SMARCAL1: variants seen among roughly 807,000 people sequenced by gnomAD.
SMARCAL1 encodes the protein ATP-driven annealing helicase.
A neutral mutation model predicts 94.5 loss-of-function variants in SMARCAL1; 58 were observed. The observed-to-expected ratio is 0.61, with a 90% CI of 0.50 to 0.76. The LOEUF (loss-of-function observed/expected upper bound fraction) is 0.76. Among genes scored for constraint, SMARCAL1 ranks in the 30% least tolerant of loss-of-function variants. The pLI, the probability that SMARCAL1 is intolerant of heterozygous loss-of-function variation, is 0.00. For synonymous variants in SMARCAL1, 422 were observed against 455.1 expected (o/e 0.93, Z 0.93); for missense variants, 1,051 against 1,177.9 (o/e 0.89, Z 1.58).
Position 216,420,442 on chromosome 2 carries a change from A to G in SMARCAL1, c.1006A>G (p.Met336Val). 6.2e-7 allele frequency: 1 copy of G among 1,614,192 alleles called. No individual in the cohort carries two copies. The highest frequency in any genetic ancestry group is 1.7e-5 in the Admixed American group (1 of 60,030). Reference sequence around the variant, plus strand: ...CCTTTCATTTGTCAAAGGGCGATGCATGCTCATCTCCAGGGCCTACTTCGA... The same window carrying G: ...CCTTTCATTTGTCAAAGGGCGATGCGTGCTCATCTCCAGGGCCTACTTCGA... ...PSLSFVKGRC[M>V]LISRAYFEAD... Residue 336 changes from methionine to valine, a missense_variant, in exon 5 of 18, where the codon ATG (methionine) becomes GTG (valine). Around this residue, in one of 3 missense-constraint regions of SMARCAL1, gnomAD observed 11 missense variants for 28.0 expected, o/e 0.39. Transcript: ENST00000357276.
intron 17 of SMARCAL1, among the ~76,000 whole-genome samples, chr2:216,481,608 A>G (rs139673039): frequency 0.015 from 2,222 of 151,668 alleles, 61 homozygotes; most frequent in African/African-American, 0.052. Context: ...GGTTCAAGCG[A>G]TTCTTGTGCC....
At chr2:216,464,104 G>C (rs1288434497) in intron 12 of SMARCAL1, among the ~76,000 whole-genome samples, 1 of 152,150 alleles carries the variant, frequency 6.6e-6, no homozygotes, top group Non-Finnish European at 1.5e-5. Context: ...AGGGTCCATT[G>C]GAATTGATTC....
chr2:216,476,323 T>G (rs1695078851), intron 15 of SMARCAL1, among the ~76,000 whole-genome samples: 1 of 151,652 alleles, frequency 6.6e-6, no homozygotes, highest in South Asian at 2.1e-4. Flanking sequence ...GTTTTTTTTT[T>G]CTTTTGCTTT....
chr2:216,428,698 C>A lies in SMARCAL1; in HGVS notation c.1250C>A (p.Thr417Lys). The change falls in exon 7 of 18, where the codon ACG becomes AAG. Residue 417 changes from threonine (T) to lysine (K), a missense_variant. Thr to Lys is a moderately conservative substitution (Grantham distance 78, BLOSUM62 -1). Around this residue, in one of 3 missense-constraint regions of SMARCAL1, gnomAD observed 642 missense variants for 754.7 expected, o/e 0.85. Coordinates refer to ENST00000357276, the MANE Select transcript of SMARCAL1 (RefSeq NM_014140.4). ...CTCAAGAAGACATCTCTCAGTCTCA[C>A]GCCAGATGTCCCAGAGGCAGACCTT... ...SQLKKTSLSL[T>K]PDVPEADLSE... 1 of 1,614,128 alleles carries A rather than the reference C, an allele frequency of 6.2e-7. No individual in the cohort carries two copies. The highest frequency in any genetic ancestry group is 1.1e-5 in the South Asian group (1 of 91,084).
Position 216,468,019 on chromosome 2 carries a change from C to T in SMARCAL1, c.2217C>T (p.Asp739=), listed in dbSNP as rs372977172. 31 of 1,613,324 alleles carry T rather than the reference C, an allele frequency of 1.9e-5. No individual in the cohort carries two copies. Among genetic ancestry groups the T allele is most frequent in the East Asian group, 1.8e-4 (8 of 44,876 alleles). Reference sequence around the variant, plus strand: ...TTGCACACCATAAGGTGGTCCTGGACGCAATTACGCAAGAGCTTGAGAGAA... The same window carrying T: ...TTGCACACCATAAGGTGGTCCTGGATGCAATTACGCAAGAGCTTGAGAGAA... The part of the protein sequence containing the change: ...LVFAHHKVVL[D]AITQELERKH... Residue 739 remains aspartate, a synonymous_variant, in exon 14 of 18, where the codon GAC becomes GAT. Transcript: ENST00000357276.
intron 6 of SMARCAL1, chr2:216,427,266 GTC>G (rs1355734135): frequency 6.6e-6 from 1 of 152,234 alleles, no homozygotes; most frequent in African/African-American, 2.4e-5. Context: ...AGGGAATGGT[GTC>G]TTTCTCAGGA....
chr2:216,444,184 T>G (rs998375943), intron 10 of SMARCAL1, among the ~76,000 whole-genome samples: 1 of 152,248 alleles, frequency 6.6e-6, no homozygotes, highest in Non-Finnish European at 1.5e-5. Flanking sequence ...TGACCTTCTC[T>G]TTGATATTAC....
intron 3 of SMARCAL1, 106 bp downstream of exon 3, chr2:216,415,621 C>T (rs1559121246): frequency 9.4e-7 from 1 of 1,058,792 alleles, no homozygotes; most frequent in Admixed American, 2.1e-5. Context: ...TTGGCACATG[C>T]TGTCCATCCA....
At chr2:216,426,116 C>T (rs1038666971) in intron 6 of SMARCAL1, among the ~76,000 whole-genome samples, 19 of 152,234 alleles carry the variant, frequency 1.2e-4, no homozygotes, top group Admixed American at 8.5e-4. Flanking sequence ...CCCACCTTGG[C>T]CTCCCAAAGT....
intron 11 of SMARCAL1, among the ~76,000 whole-genome samples, chr2:216,449,658 T>A (rs1164067479): frequency 6.6e-6 from 1 of 152,164 alleles, no homozygotes; most frequent in African/African-American, 2.4e-5. Flanking sequence ...TCTCTAGCCC[T>A]CTATAATGGG....
chr2:216,475,161 C>T lies in SMARCAL1; in HGVS notation c.2245-108C>T. 2 of 1,082,602 alleles carry T rather than the reference C, an allele frequency of 1.8e-6. No homozygotes were observed. Among genetic ancestry groups the T allele is most frequent in the Non-Finnish European group, 2.8e-6 (2 of 716,438 alleles). 67.1% of individuals were successfully genotyped at this position (1,082,602 alleles called of 1,614,324 possible). On this transcript the variant is annotated intron_variant, in intron 14 of 17. Coordinates refer to ENST00000357276, the MANE Select transcript of SMARCAL1 (RefSeq NM_014140.4). This position sits in a 1 kb window ranked among gnomAD's most constrained non-coding sequence, Gnocchi z 4.4. ...AAAGAAAAGCTCTGAAGGCAGGGGC[C>T]TCTGCTGAGCTGGAACCTGGTTCTG...
rs1694056884 is a variant in SMARCAL1 at position 216,435,281 on chromosome 2, C to T, written c.1486-57C>T. The T allele has an allele frequency of 4.4e-6, 7 of 1,590,034 alleles. No individual in the cohort carries two copies. The South Asian group carries it at 4.4e-5, about 10-fold the overall frequency. ...GGGCATGAGACTGCTGCTGTCACAA[C>T]CAACAGCTGCTGTGCTGGGTGGTCA... On this transcript the variant is annotated intron_variant, in intron 8 of 17. Coordinates refer to ENST00000357276, the MANE Select transcript of SMARCAL1 (RefSeq NM_014140.4).
intron 13 of SMARCAL1, among the ~76,000 whole-genome samples, chr2:216,464,888 G>C (rs1035543645): frequency 6.6e-6 from 1 of 152,208 alleles, no homozygotes; most frequent in Non-Finnish European, 1.5e-5. Context: ...CTCAATGCCT[G>C]TAATCCCAGC....
chr2:216,483,045 G>A lies in SMARCAL1; in HGVS notation c.*68G>A. ...GAATTGAAATAAAATAATGTATTTT[G>A]TTTTAAAACTTTTTGAGCTTCTCTT... On this transcript the variant is annotated 3_prime_UTR_variant, in exon 18 of 18. Transcript: ENST00000357276. 1.9e-6 allele frequency: 3 copies of A among 1,584,090 alleles called. No individual in the cohort carries two copies. In the South Asian group the frequency reaches 3.4e-5, roughly 18 times the overall value.
chr2:216,456,883 G>A (rs377066146), intron 12 of SMARCAL1, among the ~76,000 whole-genome samples: 1 of 152,144 alleles, frequency 6.6e-6, no homozygotes, highest in Non-Finnish European at 1.5e-5. Context: ...TGCTCCAATT[G>A]AAAGACACAG....
At chr2:216,464,417 A>G (rs1485143458) in intron 12 of SMARCAL1, among the ~76,000 whole-genome samples, 180 bp from the exon 13 acceptor site, 1 of 152,150 alleles carries the variant, frequency 6.6e-6, no homozygotes, top group African/African-American at 2.4e-5. Flanking sequence ...ACAAAACCCG[A>G]CCCAGGCAGT....
Position 216,473,484 on chromosome 2 carries a change from T to C in SMARCAL1, c.2245-1785T>C, listed in dbSNP as rs140717742. Among the ~76,000 whole-genome samples, 66 of 152,110 alleles carry C rather than the reference T, an allele frequency of 4.3e-4. 1 individual carries two copies. The East Asian group carries it at 0.012, about 28-fold the overall frequency. ...TTGTTGATGGACATTTACCAACATA[T>C]CCTTTTAGGAAAAATTTGAGACCCC... On this transcript the variant is annotated intron_variant, in intron 14 of 17. Coordinates refer to ENST00000357276, the MANE Select transcript of SMARCAL1 (RefSeq NM_014140.4).
At position 216,414,639 on chromosome 2, in the gene SMARCAL1, T is replaced by G. The variant is rs1159433248; in HGVS notation, c.-58-8T>G. ...TGTTCATTTCATTCTTCTTACTTTC[T>G]TCCACAGCTTTTGCCAACTTTCCAA... On this transcript the variant is annotated splice_region_variant and splice_polypyrimidine_tract_variant and intron_variant, in intron 2 of 17. Coordinates refer to ENST00000357276, the MANE Select transcript of SMARCAL1 (RefSeq NM_014140.4). The G allele has an allele frequency of 4.4e-6, 6 of 1,355,148 alleles. No individual in the cohort carries two copies. The highest frequency in any genetic ancestry group is 1.4e-5 in the African/African-American group (1 of 69,948). The allele number at this position is 1,355,148 out of a possible 1,614,324, so 83.9% of individuals were successfully genotyped here.
At chr2:216,447,306 C>T in intron 11 of SMARCAL1, 148 bp downstream of exon 11, 1 of 988,302 alleles carries the variant, frequency 1.0e-6, no homozygotes, top group Non-Finnish European at 1.6e-6. Flanking sequence ...TTACTATGGC[C>T]TTGGAATGAC....
Sources: gnomAD v4.1 joint callset for allele counts (sites outside exome capture counted in the v4.1 genomes callset) on GRCh38, gnomAD v4.1.1 for gene constraint, gnomAD v4.1.1 regional missense constraint, Gnocchi (gnomAD v3.1) non-coding constraint, MANE v1.5 for transcripts, NCBI Gene and HGNC (gene_info 2026-07-23, HGNC 2026-07-21) for gene names.